DCC: variants seen among roughly 807,000 people sequenced by gnomAD.
The protein encoded by DCC is netrin receptor DCC.
A neutral mutation model predicts 172.5 loss-of-function variants in DCC; 58 were observed. The ratio of observed to expected loss-of-function variants is 0.34; its 90% CI spans 0.27 to 0.42. The LOEUF (loss-of-function observed/expected upper bound fraction) is 0.42, where lower values mean the gene tolerates loss of function less well. Among genes scored for constraint, DCC ranks in the 10% least tolerant of loss-of-function variants. DCC has a pLI of 1.00. For missense variants in DCC, 1,740 were observed against 1,791.0 expected (o/e 0.97, Z 0.51); for synonymous variants, 709 against 644.5 (o/e 1.10, Z -1.52).
At chr18:53,463,291 G>T (rs992235020) in intron 24 of DCC, among the ~76,000 whole-genome samples, 11 of 152,132 alleles carry the variant, frequency 7.2e-5, no homozygotes, top group African/African-American at 2.4e-4. Flanking sequence ...CTGGGGGAAG[G>T]TTTAATCCCA....
At chr18:53,523,210 C>CGAT (rs1442496880) in intron 27 of DCC, among the ~76,000 whole-genome samples, 1 of 151,990 alleles carries the variant, frequency 6.6e-6, no homozygotes, top group African/African-American at 2.4e-5. Context: ...AAAATCACCA[C>CGAT]GAGATACCAT....
At chr18:52,840,706 A>G (rs2038789028) in intron 2 of DCC, among the ~76,000 whole-genome samples, 1 of 152,218 alleles carries the variant, frequency 6.6e-6, no homozygotes, top group Non-Finnish European at 1.5e-5. Context: ...CTATCTGGCT[A>G]TCGCAAGTAG....
At chr18:52,348,337 T>C (rs1348836203) in intron 1 of DCC, among the ~76,000 whole-genome samples, 1 of 152,176 alleles carries the variant, frequency 6.6e-6, no homozygotes, top group Non-Finnish European at 1.5e-5. Flanking sequence ...GGTGCATACC[T>C]AGGAGTGGAA....
At chr18:52,974,784 T>C (rs2041090034) in intron 5 of DCC, among the ~76,000 whole-genome samples, 1 of 152,216 alleles carries the variant, frequency 6.6e-6, no homozygotes, top group Non-Finnish European at 1.5e-5. Context: ...CTTACTTTCC[T>C]GTTGGGAGGA....
chr18:53,090,098 A>G (rs552705915), intron 7 of DCC, among the ~76,000 whole-genome samples: 30 of 152,252 alleles, frequency 2.0e-4, no homozygotes, highest in Non-Finnish European at 3.4e-4. Context: ...TAGTTGCTAA[A>G]ATTTTAGGAA....
At chr18:52,618,048 T>A (rs1377091354) in intron 1 of DCC, among the ~76,000 whole-genome samples, 1 of 152,328 alleles carries the variant, frequency 6.6e-6, no homozygotes, top group East Asian at 1.9e-4. Context: ...TCAATTGCTA[T>A]GTTAAATTAG....
At chr18:53,389,926 G>A (rs1400680220) in intron 16 of DCC, among the ~76,000 whole-genome samples, 2 of 152,268 alleles carry the variant, frequency 1.3e-5, no homozygotes, top group Middle Eastern at 3.4e-3. Flanking sequence ...ACTGGATTAA[G>A]AAAACAGTAA....
At chr18:52,695,555 A>G (rs2035998886) in intron 1 of DCC, among the ~76,000 whole-genome samples, 1 of 152,210 alleles carries the variant, frequency 6.6e-6, no homozygotes, top group Non-Finnish European at 1.5e-5. Context: ...ATTTATGTTT[A>G]TGTTCATAAA....
chr18:52,850,178 G>C (rs1181279477), intron 2 of DCC, among the ~76,000 whole-genome samples: 1 of 152,052 alleles, frequency 6.6e-6, no homozygotes, highest in Non-Finnish European at 1.5e-5. Flanking sequence ...ATGTGCCCAA[G>C]GGCAGAGCTT....
intron 27 of DCC, among the ~76,000 whole-genome samples, chr18:53,506,690 T>G (rs2046181295): frequency 6.6e-6 from 1 of 151,986 alleles, no homozygotes; most frequent in Non-Finnish European, 1.5e-5. Flanking sequence ...AAACCCCATC[T>G]CTACTAAAAT....
At chr18:52,534,998 C>T (rs1277432965) in intron 1 of DCC, among the ~76,000 whole-genome samples, 1 of 152,110 alleles carries the variant, frequency 6.6e-6, no homozygotes, top group Non-Finnish European at 1.5e-5. Context: ...GCCCCTTTAC[C>T]ACTTTCCCCC....
At chr18:53,092,832 G>A (rs1018500942) in intron 7 of DCC, among the ~76,000 whole-genome samples, 32 of 152,050 alleles carry the variant, frequency 2.1e-4, no homozygotes, top group East Asian at 7.7e-4. Context: ...CATAGACCCC[G>A]AAACAACTTG....
intron 5 of DCC, among the ~76,000 whole-genome samples, chr18:52,988,659 T>G (rs1033341090): frequency 2.0e-5 from 3 of 152,160 alleles, no homozygotes; most frequent in African/African-American, 7.2e-5. Flanking sequence ...ATTAGTTTAT[T>G]TTACTTCTGT....
At chr18:52,546,999 C>T (rs62081343) in intron 1 of DCC, among the ~76,000 whole-genome samples, 8,792 of 152,204 alleles carry the variant, frequency 0.058, 330 homozygotes, top group Middle Eastern at 0.11. Context: ...GAAAAGAGCA[C>T]ACCGTCTGGA....
intron 13 of DCC, 90 bp from the exon 14 acceptor site, chr18:53,321,954 ATTG>A: frequency 1.3e-6 from 1 of 781,760 alleles, no homozygotes; most frequent in Non-Finnish European, 2.4e-6. Context: ...CATGTCCACT[ATTG>A]TTACAATTTT....
At chr18:52,737,280 C>T (rs1599060975) in intron 1 of DCC, among the ~76,000 whole-genome samples, 1 of 152,076 alleles carries the variant, frequency 6.6e-6, no homozygotes, top group Admixed American at 6.5e-5. Flanking sequence ...CAAGACCCCA[C>T]AAGACACCAC....
chr18:52,751,367 TC>T (rs911627102), intron 1 of DCC, among the ~76,000 whole-genome samples: 9 of 152,200 alleles, frequency 5.9e-5, no homozygotes, highest in Non-Finnish European at 1.2e-4. Context: ...CTTGGTTGAT[TC>T]TTTATGTTCA....
intron 2 of DCC, among the ~76,000 whole-genome samples, chr18:52,893,777 A>G (rs2039688017): frequency 1.3e-5 from 2 of 152,104 alleles, no homozygotes; most frequent in Non-Finnish European, 2.9e-5. Flanking sequence ...TAATTTGGGT[A>G]TTAGTCAATA....
At position 53,294,155 on chromosome 18, in the gene DCC, G is replaced by A. The variant is rs181068663; in HGVS notation, c.1912-11423G>A. The stretch of plus-strand genomic sequence containing the variant: ...ATCAATTTAAATTTAGCTCAGTTTG[G>A]CTAAAAAATATAAAAATGGAACATA... On this transcript the variant is annotated intron_variant, in intron 12 of 28. Transcript: ENST00000442544. 2.0e-5 allele frequency among the ~76,000 whole-genome samples: 3 copies of A among 152,250 alleles called. No individual in the cohort carries two copies. The East Asian group carries it at 5.8e-4, about 29-fold the overall frequency.
Sources: gnomAD v4.1 joint callset for allele counts (sites outside exome capture counted in the v4.1 genomes callset) on GRCh38, gnomAD v4.1.1 for gene constraint, MANE v1.5 for transcripts, NCBI Gene and HGNC (gene_info 2026-07-23, HGNC 2026-07-21) for gene names.